The following R3HDM2 variants were observed in gnomAD, a reference collection of about 807,000 sequenced individuals.
The protein encoded by R3HDM2 is R3H domain-containing protein 2.
Under a neutral mutation model 124.5 loss-of-function variants are expected in R3HDM2, and 38 were observed. The ratio of observed to expected loss-of-function variants is 0.31; its 90% CI spans 0.24 to 0.40. R3HDM2 has a LOEUF of 0.40. Ranked by LOEUF, R3HDM2 falls within the 10% of genes least tolerant of loss-of-function variation. The pLI, the probability that R3HDM2 is intolerant of heterozygous loss-of-function variation, is 1.00. For synonymous variants in R3HDM2, 391 were observed against 448.0 expected, an observed-to-expected ratio of 0.87 and a Z score of 1.61; for missense variants, 869 against 1,236.9, an observed-to-expected ratio of 0.70 and a Z score of 4.46.
intron 2 of R3HDM2, among the ~76,000 whole-genome samples, chr12:57,355,305 A>G (rs979787595): frequency 3.3e-5 from 5 of 151,548 alleles, no homozygotes; most frequent in African/African-American, 1.2e-4. Context: ...AAAATACAAA[A>G]AAAATTAGCC....
chr12:57,399,623 T>C (rs1181384135), intron 1 of R3HDM2, among the ~76,000 whole-genome samples: 2 of 152,158 alleles, frequency 1.3e-5, no homozygotes, highest in African/African-American at 4.8e-5. Flanking sequence ...AGACAATTAA[T>C]AAAACTTACT....
intron 6 of R3HDM2, 147 bp downstream of exon 6, chr12:57,299,205 A>G (rs2050568229): frequency 1.2e-6 from 1 of 865,260 alleles, no homozygotes; most frequent in East Asian, 2.7e-5. Context: ...AAGCAAAGAA[A>G]GTAACCTCGT....
At chr12:57,395,104 G>T (rs1431281781) in intron 2 of R3HDM2, among the ~76,000 whole-genome samples, 1 of 151,942 alleles carries the variant, frequency 6.6e-6, no homozygotes, top group African/African-American at 2.4e-5. Context: ...CAGCATCTAG[G>T]GAGGCTGAGG....
At chr12:57,344,692 T>A (rs1027026198) in intron 2 of R3HDM2, among the ~76,000 whole-genome samples, 3 of 152,086 alleles carry the variant, frequency 2.0e-5, no homozygotes, top group African/African-American at 7.2e-5. Context: ...ACATAAAAAC[T>A]CACTTGATGA....
chr12:57,274,063 A>G (rs2044161056), intron 14 of R3HDM2, among the ~76,000 whole-genome samples: 1 of 152,212 alleles, frequency 6.6e-6, no homozygotes, highest in Non-Finnish European at 1.5e-5. Context: ...GATGTTCAGT[A>G]TTAGCTGCTT....
chr12:57,385,376 G>A (rs1010245739), intron 2 of R3HDM2, among the ~76,000 whole-genome samples: 4 of 151,100 alleles, frequency 2.6e-5, no homozygotes, highest in Non-Finnish European at 5.9e-5. Flanking sequence ...CAAGTAGCTG[G>A]GACTTACAGG....
At chr12:57,425,596 C>A (rs1223632221) in intron 1 of R3HDM2, among the ~76,000 whole-genome samples, 3 of 150,334 alleles carry the variant, frequency 2.0e-5, no homozygotes, top group African/African-American at 7.3e-5. Flanking sequence ...GGTCAGGAGT[C>A]CAAGACCAGC....
chr12:57,283,378 T>C (rs1361406018), intron 13 of R3HDM2, among the ~76,000 whole-genome samples: 1 of 152,182 alleles, frequency 6.6e-6, no homozygotes, highest in East Asian at 1.9e-4. Context: ...GGATCCAAAA[T>C]TCAAATGTCC....
At chr12:57,290,658 G>A (rs57408658) in intron 11 of R3HDM2, among the ~76,000 whole-genome samples, 1,740 of 152,164 alleles carry the variant, frequency 0.011, 30 homozygotes, top group African/African-American at 0.039. Context: ...TTGTTGCCCA[G>A]GCTGGAGTGC....
chr12:57,357,563 GTCTTC>G (rs1485592160), intron 2 of R3HDM2, among the ~76,000 whole-genome samples: 1 of 151,226 alleles, frequency 6.6e-6, no homozygotes, highest in Non-Finnish European at 1.5e-5. Context: ...AGGTGTGTGT[GTCTTC>G]TCTTTTCCTT....
chr12:57,264,860 C>T (rs1021986880), intron 19 of R3HDM2, among the ~76,000 whole-genome samples: 4 of 152,152 alleles, frequency 2.6e-5, no homozygotes, highest in Non-Finnish European at 4.4e-5. Flanking sequence ...TTGTCTCGAA[C>T]TCCTGGCTTC....
At chr12:57,329,353 G>A (rs1332914818) in intron 2 of R3HDM2, among the ~76,000 whole-genome samples, 2 of 152,174 alleles carry the variant, frequency 1.3e-5, no homozygotes, top group South Asian at 2.1e-4. Context: ...TGTGGACTTC[G>A]TAGATCCACA....
intron 3 of R3HDM2, among the ~76,000 whole-genome samples, chr12:57,308,960 G>C (rs968497440): frequency 1.3e-5 from 2 of 152,328 alleles, no homozygotes; most frequent in South Asian, 4.1e-4. Flanking sequence ...ACAAGCTCTG[G>C]AAGAATGGGC....
intron 2 of R3HDM2, among the ~76,000 whole-genome samples, chr12:57,320,051 G>C (rs927755056): frequency 7.2e-5 from 11 of 151,918 alleles, no homozygotes; most frequent in African/African-American, 2.4e-4. Context: ...CTGAGGTCAG[G>C]AGTTTGAGAT....
At chr12:57,370,865 T>A (rs1018059682) in intron 2 of R3HDM2, among the ~76,000 whole-genome samples, 1 of 151,980 alleles carries the variant, frequency 6.6e-6, no homozygotes, top group African/African-American at 2.4e-5. Context: ...AAAGATGATA[T>A]AAGCTGCTGA....
Position 57,418,401 on chromosome 12 carries a change from G to A in R3HDM2, c.-106+12319C>T, listed in dbSNP as rs188297845. ...TGGCAATATTCCCAACGGTGGTTGC[G>A]CAGGCTGCCGTTGGTCTTTGTCCTT... On this transcript the variant is annotated intron_variant, in intron 1 of 23. Coordinates refer to ENST00000402412, the MANE Select transcript of R3HDM2 (RefSeq NM_001394031.1). The A allele has an allele frequency of 1.5e-5, 14 of 919,910 alleles. No individual in the cohort carries two copies. In the Admixed American group the frequency reaches 2.5e-4, roughly 16 times the overall value. 57.0% of individuals were successfully genotyped at this position (919,910 alleles called of 1,614,324 possible).
intron 2 of R3HDM2, among the ~76,000 whole-genome samples, chr12:57,352,459 C>G (rs2060787545): frequency 6.9e-6 from 1 of 145,440 alleles, no homozygotes; most frequent in African/African-American, 2.5e-5. Context: ...ATAAGATGAA[C>G]AAGGAAGGAA....
chr12:57,370,182 TAGTG>T (rs1401937415), intron 2 of R3HDM2, among the ~76,000 whole-genome samples: 2 of 152,196 alleles, frequency 1.3e-5, no homozygotes, highest in Non-Finnish European at 2.9e-5. Context: ...GTTCTCATGC[TAGTG>T]AGTGAGTTCT....
chr12:57,333,926 C>T (rs2058531688), intron 2 of R3HDM2, among the ~76,000 whole-genome samples: 1 of 151,878 alleles, frequency 6.6e-6, no homozygotes, highest in Non-Finnish European at 1.5e-5. Flanking sequence ...CCTGTAATCC[C>T]AACTACTTGG....
Sources: allele counts gnomAD v4.1 joint callset (sites outside exome capture counted in the v4.1 genomes callset), GRCh38; gene constraint gnomAD v4.1.1; transcripts MANE v1.5; gene names NCBI Gene and HGNC (gene_info 2026-07-23, HGNC 2026-07-21).